GPR89B: variants seen among roughly 807,000 people sequenced by gnomAD.
GPR89B encodes golgi pH regulator B, also known as G protein-coupled receptor 89B.
Under a neutral mutation model 52.4 loss-of-function variants are expected in GPR89B, and 25 were observed. The observed-to-expected ratio is 0.48, with a 90% confidence interval of 0.35 to 0.67. The LOEUF (loss-of-function observed/expected upper bound fraction) is 0.67. Among genes scored for constraint, GPR89B ranks in the 30% least tolerant of loss-of-function variants. The pLI, the probability that GPR89B is intolerant of heterozygous loss-of-function variation, is 0.01. For missense variants in GPR89B, 146 were observed against 450.2 expected (o/e 0.32, Z 6.11); for synonymous variants, 52 against 151.2 (o/e 0.34, Z 4.81).
At chr1:147,969,151 T>G (rs2149076599) in intron 9 of GPR89B, 188 bp downstream of exon 9, 1 of 519,094 alleles carries the variant, frequency 1.9e-6, no homozygotes, top group South Asian at 2.7e-5. Context: ...AGCAAAATCC[T>G]TAATGGAACA....
At chr1:147,976,209 T>C (rs1657812774) in intron 10 of GPR89B, among the ~76,000 whole-genome samples, 1 of 151,812 alleles carries the variant, frequency 6.6e-6, no homozygotes, top group South Asian at 2.1e-4. Flanking sequence ...AATATACTTG[T>C]TAATTTTCTG....
the GPR89B span, chr1:148,005,338 A>G: frequency 7.9e-7 from 1 of 1,269,518 alleles, no homozygotes; most frequent in South Asian, 1.3e-5. Flanking sequence ...AATAGAGTGG[A>G]AGATAGGGTA....
At chr1:147,957,241 G>A (rs1311394644) in intron 7 of GPR89B, among the ~76,000 whole-genome samples, 1 of 152,008 alleles carries the variant, frequency 6.6e-6, no homozygotes, top group Non-Finnish European at 1.5e-5. Context: ...GTGTATAAAA[G>A]CATAGGCTCT....
At chr1:147,971,639 A>T (rs1359471558) in intron 10 of GPR89B, among the ~76,000 whole-genome samples, 1 of 150,446 alleles carries the variant, frequency 6.6e-6, no homozygotes, top group Non-Finnish European at 1.5e-5. Context: ...ACAACGCAAA[A>T]TACAATAATT....
At chr1:147,961,439 C>G (rs1553252219) in intron 7 of GPR89B, among the ~76,000 whole-genome samples, 1 of 152,110 alleles carries the variant, frequency 6.6e-6, no homozygotes, top group Non-Finnish European at 1.5e-5. Flanking sequence ...GAAAATGATA[C>G]ATACAGGGCA....
chr1:147,954,728 A>G (rs1367740850), intron 7 of GPR89B, among the ~76,000 whole-genome samples: 2 of 152,410 alleles, frequency 1.3e-5, no homozygotes, highest in South Asian at 2.1e-4. Context: ...AGAAAATTCA[A>G]TCTCATTTCT....
intron 1 of GPR89B, among the ~76,000 whole-genome samples, chr1:147,936,035 C>T (rs1654053572): frequency 6.6e-6 from 1 of 151,514 alleles, no homozygotes; most frequent in African/African-American, 2.4e-5. Context: ...CTTTTTTTTT[C>T]GAGACCTAGT....
At chr1:148,025,656 G>C in the GPR89B span, 7 of 144,788 alleles carry the variant, frequency 4.8e-5, no homozygotes, top group Admixed American at 1.4e-4. Flanking sequence ...TTTAGATATA[G>C]AGTCTTTAAG....
chr1:147,992,731 T>C lies in GPR89B; in HGVS notation c.1182T>C (p.Ser394=). The change falls in exon 14 of 14, where the codon TCT becomes TCC. Residue 394 remains serine, a synonymous_variant. Coordinates refer to ENST00000314163, the MANE Select transcript of GPR89B (RefSeq NM_016334.5). ...TACAGGGCATGTACTTTGTCTCCTCTGTGCTGCTGATCCGAATGAGTATGC... is the reference window on the plus strand; with the variant it reads ...TACAGGGCATGTACTTTGTCTCCTCCGTGCTGCTGATCCGAATGAGTATGC... ...AQIMGMYFVS[S]VLLIRMSMPL... is the part of the protein sequence containing the mutation. 1 of 1,441,596 alleles carries C rather than the reference T, an allele frequency of 6.9e-7. No individual in the cohort carries two copies. The highest frequency in any genetic ancestry group is 9.7e-7 in the Non-Finnish European group (1 of 1,032,318). 89.3% of individuals were successfully genotyped at this position (1,441,596 alleles called of 1,614,324 possible).
At chr1:148,013,224 AAG>A in the GPR89B span, among the ~76,000 whole-genome samples, 6 of 152,076 alleles carry the variant, frequency 3.9e-5, no homozygotes, top group Non-Finnish European at 8.8e-5. Context: ...GCCACAGTAG[AAG>A]AGAGAGGAAG....
chr1:148,021,610 G>A, the GPR89B span, among the ~76,000 whole-genome samples: 2 of 151,678 alleles, frequency 1.3e-5, no homozygotes, highest in Admixed American at 6.6e-5. Flanking sequence ...GGGGAGCTGC[G>A]GAGAGGGGCC....
chr1:147,941,070 A>G (rs1244166237), intron 3 of GPR89B, among the ~76,000 whole-genome samples: 4 of 150,000 alleles, frequency 2.7e-5, no homozygotes, highest in Admixed American at 2.0e-4. Flanking sequence ...TTGATGATGT[A>G]TAACTGTCCA....
At chr1:147,996,157 C>T (rs1258523544), downstream of GPR89B, among the ~76,000 whole-genome samples, 3 of 152,132 alleles carry the variant, frequency 2.0e-5, no homozygotes, top group Non-Finnish European at 4.4e-5. Context: ...CCCCCTTCTT[C>T]ACTCCCAACT....
the GPR89B span, among the ~76,000 whole-genome samples, chr1:148,022,257 G>T: frequency 6.6e-5 from 10 of 150,428 alleles, no homozygotes; most frequent in South Asian, 6.4e-4. Flanking sequence ...CAACATCCTG[G>T]TTCAAAATCG....
chr1:147,968,267 G>A (rs1657176120), intron 8 of GPR89B: 3 of 453,798 alleles, frequency 6.6e-6, no homozygotes, highest in African/African-American at 2.0e-5. Flanking sequence ...GAGGAAAAGA[G>A]GATTTGACTT....
At chr1:147,994,760 A>G (rs1200270504), downstream of GPR89B, among the ~76,000 whole-genome samples, 1 of 152,080 alleles carries the variant, frequency 6.6e-6, no homozygotes, top group Non-Finnish European at 1.5e-5. Flanking sequence ...AGTATTTATT[A>G]AGCATTCCTG....
intron 7 of GPR89B, among the ~76,000 whole-genome samples, chr1:147,964,364 C>T (rs1313260582): frequency 0.043 from 6,597 of 151,868 alleles, 222 homozygotes; most frequent in African/African-American, 0.072. Context: ...TACTACCAAA[C>T]CTCAGCCAAG....
chr1:148,006,334 A>C, the GPR89B span, among the ~76,000 whole-genome samples: 1 of 152,250 alleles, frequency 6.6e-6, no homozygotes, highest in Non-Finnish European at 1.5e-5. Context: ...TAGCCATCGT[A>C]TGCTGCGGAG....
At chr1:148,017,144 C>T in the GPR89B span, among the ~76,000 whole-genome samples, 6 of 151,714 alleles carry the variant, frequency 4.0e-5, no homozygotes, top group African/African-American at 1.2e-4. Flanking sequence ...TGGGTTCAAG[C>T]GATTCTCCTG....
Sources: allele counts gnomAD v4.1 joint callset (sites outside exome capture counted in the v4.1 genomes callset), GRCh38; gene constraint gnomAD v4.1.1; transcripts MANE v1.5; gene names NCBI Gene and HGNC (gene_info 2026-07-23, HGNC 2026-07-21).